Variants in TTC6 observed in about 807,000 individuals in gnomAD.
TTC6 encodes tetratricopeptide repeat domain 6, also known as tetratricopeptide repeat protein 6.
Under a neutral mutation model 210.4 loss-of-function variants are expected in TTC6, and 172 were observed. The ratio of observed to expected loss-of-function variants is 0.82; its 90% CI spans 0.72 to 0.93. The LOEUF (loss-of-function observed/expected upper bound fraction) is 0.93, where lower values mean the gene tolerates loss of function less well. TTC6 is among the 40% of genes least tolerant of loss of function. The probability of loss-of-function intolerance (pLI) is 0.00; values close to 1 mark genes in which losing one functional copy is unlikely to be tolerated. For synonymous variants in TTC6, 804 were observed against 819.6 expected (o/e 0.98, Z 0.32); for missense variants, 2,414 against 2,318.1 (o/e 1.04, Z -0.85).
chr14:37,802,192 C>T (rs2096108183), intron 20 of TTC6: 1 of 152,008 alleles, frequency 6.6e-6, no homozygotes, highest in Non-Finnish European at 1.5e-5. Flanking sequence ...ACAATGAGAA[C>T]ACATGGACAC....
chr14:37,719,699 C>G (rs1276519886), intron 6 of TTC6, among the ~76,000 whole-genome samples: 1 of 151,942 alleles, frequency 6.6e-6, no homozygotes, highest in Non-Finnish European at 1.5e-5. Context: ...AAAAAATGTA[C>G]TTAAAATAAT....
At chr14:37,811,219 T>G (rs1263187563) in intron 24 of TTC6, among the ~76,000 whole-genome samples, 2 of 152,240 alleles carry the variant, frequency 1.3e-5, no homozygotes. Flanking sequence ...GGCATCATAC[T>G]GGTTTCACAT....
chr14:37,777,678 G>A (rs190089349), intron 14 of TTC6, among the ~76,000 whole-genome samples: 1 of 152,088 alleles, frequency 6.6e-6, no homozygotes, highest in East Asian at 1.9e-4. Context: ...AAGACACTGG[G>A]GTTTTGAGTT....
rs1050314668 is a variant in TTC6 at position 37,664,495 on chromosome 14, A to G, written c.940-15656A>G. 1.0e-4 allele frequency among the ~76,000 whole-genome samples: 15 copies of G among 150,390 alleles called. 1 individual carries two copies. Among genetic ancestry groups the G allele is most frequent in the Non-Finnish European group, 1.3e-4 (9 of 66,956 alleles). ...CCCTTTCCTCACACCATATACAAAA[A>G]TTAACTCAAGATGGATTAAAGACTT... On this transcript the variant is annotated intron_variant, in intron 1 of 30. Coordinates refer to ENST00000553443, the Ensembl canonical transcript of TTC6.
At chr14:37,826,047 TA>T in intron 27 of TTC6, 147 bp from the exon 30 acceptor site, 2 of 670,866 alleles carry the variant, frequency 3.0e-6, no homozygotes, top group South Asian at 3.0e-5. Context: ...ATGCATTCAG[TA>T]TGCCTACTTT....
chr14:37,689,956 A>G (rs1951648), intron 3 of TTC6, among the ~76,000 whole-genome samples: 151,687 of 152,288 alleles, frequency 1, 75,551 homozygotes, highest in Middle Eastern at 1. Flanking sequence ...GTAAACTTAA[A>G]TAGAGAGACT....
intron 14 of TTC6, among the ~76,000 whole-genome samples, chr14:37,769,066 G>T (rs1290560913): frequency 6.6e-6 from 1 of 151,842 alleles, no homozygotes; most frequent in Non-Finnish European, 1.5e-5. Context: ...TAATCATGTG[G>T]TTTTTGTCTT....
At chr14:37,632,131 C>CA (rs1466170642) in intron 1 of TTC6, among the ~76,000 whole-genome samples, 2 of 152,162 alleles carry the variant, frequency 1.3e-5, no homozygotes, top group East Asian at 3.9e-4. Flanking sequence ...TGGTCAAACT[C>CA]ATTCTCCGTC....
At chr14:37,734,652 G>C (rs562617425) in intron 7 of TTC6, among the ~76,000 whole-genome samples, 17 of 152,138 alleles carry the variant, frequency 1.1e-4, no homozygotes, top group Admixed American at 3.9e-4. Context: ...TTGCATCCCA[G>C]CTTTTATTGC....
intron 2 of TTC6, among the ~76,000 whole-genome samples, chr14:37,610,375 T>C (rs1263390481): frequency 6.6e-6 from 1 of 152,226 alleles, no homozygotes; most frequent in Non-Finnish European, 1.5e-5. Context: ...CAGTACATTT[T>C]ATCTGCCATT....
chr14:37,691,810 G>T (rs2138619896), intron 3 of TTC6, among the ~76,000 whole-genome samples: 1 of 152,164 alleles, frequency 6.6e-6, no homozygotes, highest in African/African-American at 2.4e-5. Flanking sequence ...ACTAAGAAAA[G>T]AAGACAGAAG....
intron 9 of TTC6, among the ~76,000 whole-genome samples, chr14:37,738,387 G>T (rs1397166466): frequency 6.7e-6 from 1 of 149,848 alleles, no homozygotes; most frequent in African/African-American, 2.4e-5. Context: ...GATTTTTATG[G>T]AATAAGGCAT....
intron 1 of TTC6, among the ~76,000 whole-genome samples, chr14:37,668,733 A>G (rs1566876066): frequency 6.6e-6 from 1 of 152,214 alleles, no homozygotes; most frequent in Non-Finnish European, 1.5e-5. Flanking sequence ...GGACAGAGTG[A>G]GAGGTGAAAA....
At chr14:37,705,298 A>G (rs1177896033) in intron 5 of TTC6, among the ~76,000 whole-genome samples, 4 of 152,184 alleles carry the variant, frequency 2.6e-5, no homozygotes, top group Non-Finnish European at 5.9e-5. Context: ...CCAAAGGTTA[A>G]GTGTCAAAAT....
intron 2 of TTC6, among the ~76,000 whole-genome samples, chr14:37,614,538 C>A (rs776598817): frequency 3.9e-5 from 6 of 152,100 alleles, no homozygotes; most frequent in Non-Finnish European, 5.9e-5. Context: ...CATCTTCATT[C>A]ATTTTTAAAG....
chr14:37,831,145 T>A (rs2096184057), intron 29 of TTC6, among the ~76,000 whole-genome samples: 1 of 152,138 alleles, frequency 6.6e-6, no homozygotes, highest in Non-Finnish European at 1.5e-5. Context: ...AAGTTGTTTT[T>A]TTTAAGCCTC....
chr14:37,734,231 A>G (rs917388581), intron 7 of TTC6, among the ~76,000 whole-genome samples: 7 of 152,186 alleles, frequency 4.6e-5, no homozygotes, highest in Non-Finnish European at 8.8e-5. Context: ...AAAAGTCTGC[A>G]TGAAAGTTGA....
chr14:37,688,730 G>T (rs1447902178), intron 3 of TTC6, among the ~76,000 whole-genome samples: 1 of 152,186 alleles, frequency 6.6e-6, no homozygotes, highest in Admixed American at 6.5e-5. Flanking sequence ...CTATGAGTCT[G>T]CAAGTACCAC....
intron 1 of TTC6, among the ~76,000 whole-genome samples, chr14:37,659,191 A>G (rs1459391539): frequency 6.6e-6 from 1 of 152,182 alleles, no homozygotes; most frequent in Non-Finnish European, 1.5e-5. Flanking sequence ...ATTGATGGAC[A>G]TTTAGGTTGA....
Sources: gnomAD v4.1 joint callset for allele counts (sites outside exome capture counted in the v4.1 genomes callset) on GRCh38, gnomAD v4.1.1 for gene constraint, MANE v1.5 for transcripts, NCBI Gene and HGNC (gene_info 2026-07-23, HGNC 2026-07-21) for gene names.